TP63: variants seen among roughly 807,000 people sequenced by gnomAD.
The protein encoded by TP63 is tumor protein p63.
Under a neutral mutation model 82.8 loss-of-function variants are expected in TP63, and 17 were observed. The ratio of observed to expected loss-of-function variants is 0.21; its 90% CI spans 0.14 to 0.31. The LOEUF (loss-of-function observed/expected upper bound fraction) is 0.31, where lower values mean the gene tolerates loss of function less well. Ranked by LOEUF, TP63 falls within the 10% of genes least tolerant of loss-of-function variation. The probability of loss-of-function intolerance (pLI) is 1.00; values close to 1 mark genes in which losing one functional copy is unlikely to be tolerated. For synonymous variants in TP63, 330 were observed against 321.7 expected (o/e 1.03, Z -0.28); for missense variants, 648 against 895.3 (o/e 0.72, Z 3.52).
intron 1 of TP63, among the ~76,000 whole-genome samples, chr3:189,724,215 A>G (rs1560136292): frequency 1.3e-5 from 2 of 152,180 alleles, no homozygotes; most frequent in African/African-American, 2.4e-5. Context: ...GAATTCTGTT[A>G]TGTGTAGGGA....
At chr3:189,735,591 A>G (rs1720520362) in intron 1 of TP63, among the ~76,000 whole-genome samples, 1 of 152,154 alleles carries the variant, frequency 6.6e-6, no homozygotes, top group Admixed American at 6.6e-5. Context: ...CTTTTTACTA[A>G]TAATTGACTT....
chr3:189,797,178 AAG>A (rs1301699997), intron 3 of TP63, among the ~76,000 whole-genome samples: 5 of 152,106 alleles, frequency 3.3e-5, no homozygotes, highest in Non-Finnish European at 5.9e-5. Context: ...TAAAAGCTGA[AAG>A]AGGGAATTTT....
At chr3:189,835,697 G>A (rs1393622757) in intron 4 of TP63, among the ~76,000 whole-genome samples, 1 of 152,002 alleles carries the variant, frequency 6.6e-6, no homozygotes, top group East Asian at 1.9e-4. Flanking sequence ...ACCGAGGCAG[G>A]TGGTCAGGAG....
intron 4 of TP63, among the ~76,000 whole-genome samples, chr3:189,840,689 G>C (rs11709973): frequency 0.4 from 60,077 of 151,024 alleles, 12,055 homozygotes; most frequent in Middle Eastern, 0.42. Flanking sequence ...TGAAACCCGT[G>C]TCTACTAAAA....
chr3:189,867,568 C>T (rs955957409), intron 6 of TP63, among the ~76,000 whole-genome samples: 11 of 152,158 alleles, frequency 7.2e-5, no homozygotes, highest in African/African-American at 2.2e-4. Flanking sequence ...TGATGTGGAT[C>T]AGCTTACAAA....
rs1281142769 is a variant in TP63, at chr3:189,631,402, C to A, written c.-114C>A. The A allele has an allele frequency of 1.3e-6, 2 of 1,574,762 alleles. No individual in the cohort carries two copies. The highest frequency in any genetic ancestry group is 1.7e-6 in the Non-Finnish European group (2 of 1,161,930). On this transcript the variant is annotated 5_prime_UTR_variant, in exon 1 of 14. Transcript: ENST00000264731. ...GTGCCTAAACTTCTATGTCTGATAG[C>A]ATTTGACCCTATTGCTTTTAGCCTC... is the stretch of plus-strand genomic sequence containing the variant.
chr3:189,732,188 A>G (rs566217692), intron 1 of TP63, among the ~76,000 whole-genome samples: 1 of 152,276 alleles, frequency 6.6e-6, no homozygotes, highest in Admixed American at 6.5e-5. Context: ...CCTCTGGTGA[A>G]CACACTGAGT....
chr3:189,808,605 C>T (rs1727194119), intron 4 of TP63, 79 bp downstream of exon 4: 2 of 1,603,238 alleles, frequency 1.2e-6, no homozygotes, highest in African/African-American at 1.3e-5. Flanking sequence ...ATTTCTCCCC[C>T]TTCCCAGTTT....
At chr3:189,683,849 G>T (rs765279545) in intron 1 of TP63, among the ~76,000 whole-genome samples, 1 of 152,312 alleles carries the variant, frequency 6.6e-6, no homozygotes, top group African/African-American at 2.4e-5. Context: ...CTCAGCACCT[G>T]CTCTCAAAGT....
chr3:189,609,006 T>C, the TP63 span, among the ~76,000 whole-genome samples: 1 of 152,244 alleles, frequency 6.6e-6, no homozygotes, highest in East Asian at 1.9e-4. Context: ...TTTCATACAA[T>C]GAATTTTTTT....
chr3:189,722,982 T>C (rs1161809077), intron 1 of TP63, among the ~76,000 whole-genome samples: 1 of 152,192 alleles, frequency 6.6e-6, no homozygotes, highest in Non-Finnish European at 1.5e-5. Flanking sequence ...AAGTGCAGTT[T>C]GTTTAAAGTG....
At chr3:189,708,653 A>T (rs1243093037) in intron 1 of TP63, among the ~76,000 whole-genome samples, 1 of 152,182 alleles carries the variant, frequency 6.6e-6, no homozygotes, top group Non-Finnish European at 1.5e-5. Flanking sequence ...TTTTAAGAGT[A>T]GACTGGGCAG....
rs1196892578 is a variant in TP63, at chr3:189,651,779, C to T, written c.62+20202C>T. On this transcript the variant is annotated intron_variant, in intron 1 of 13. Coordinates refer to ENST00000264731, the MANE Select transcript of TP63 (RefSeq NM_003722.5). ...CCTGGGCTGAGTCCAGGGCCCCCTG[C>T]TCTGTGCAGCCTCGGGACATGGTGC... is the stretch of plus-strand genomic sequence containing the variant. 2.0e-5 allele frequency among the ~76,000 whole-genome samples: 3 copies of T among 146,692 alleles called. 1 individual carries two copies. The highest frequency in any genetic ancestry group is 5.1e-5 in the African/African-American group (2 of 39,040).
chr3:189,886,726 T>A (rs1271962308), intron 11 of TP63, among the ~76,000 whole-genome samples, 175 bp downstream of exon 11: 2 of 152,178 alleles, frequency 1.3e-5, no homozygotes, highest in Non-Finnish European at 2.9e-5. Context: ...GGTTTATCAT[T>A]CATTGCAAAA....
At chr3:189,785,646 G>T (rs1724547158) in intron 3 of TP63, among the ~76,000 whole-genome samples, 1 of 151,940 alleles carries the variant, frequency 6.6e-6, no homozygotes, top group Non-Finnish European at 1.5e-5. Context: ...AGCCAGCTGG[G>T]GTCCACATTT....
At chr3:189,625,487 TC>T in the TP63 span, among the ~76,000 whole-genome samples, 1 of 152,060 alleles carries the variant, frequency 6.6e-6, no homozygotes, top group East Asian at 1.9e-4. Flanking sequence ...CAACATATCA[TC>T]CAAGATTTTT....
the TP63 span, among the ~76,000 whole-genome samples, chr3:189,616,280 G>A: frequency 6.6e-6 from 1 of 152,082 alleles, no homozygotes; most frequent in African/African-American, 2.4e-5. Context: ...ATGATATCCA[G>A]TCATGGAATT....
Position 189,813,792 on chromosome 3 carries a change from A to G in TP63, c.579+5266A>G, listed in dbSNP as rs373149348. ...GTAAACCTTTAATAAATGGGAAGGAACTTTTTTTCTCTCATAATTAAAGGA... is the reference window on the plus strand; with the variant it reads ...GTAAACCTTTAATAAATGGGAAGGAGCTTTTTTTCTCTCATAATTAAAGGA... On this transcript the variant is annotated intron_variant, in intron 4 of 13. Transcript: ENST00000264731. Among the ~76,000 whole-genome samples, 398 of 152,204 alleles carry G rather than the reference A, an allele frequency of 2.6e-3. 6 individuals are homozygous for G. The South Asian group carries it at 0.041, about 16-fold the overall frequency.
rs191051906 is a variant in TP63 at position 189,851,442 on chromosome 3, G to C, written c.580-12790G>C. ...AAAAAAAAATTAACCGGGCGTAGTGGTGGGCGCCTGTAATCCCAGCTACTC... is the reference window on the plus strand; with the variant it reads ...AAAAAAAAATTAACCGGGCGTAGTGCTGGGCGCCTGTAATCCCAGCTACTC... On this transcript the variant is annotated intron_variant, in intron 4 of 13. Coordinates refer to ENST00000264731, the MANE Select transcript of TP63 (RefSeq NM_003722.5). 7.1e-3 allele frequency among the ~76,000 whole-genome samples: 1,080 copies of C among 152,244 alleles called. 14 individuals are homozygous for C. The highest frequency in any genetic ancestry group is 7.6e-3 in the Non-Finnish European group (519 of 68,028).
Sources: allele counts gnomAD v4.1 joint callset (sites outside exome capture counted in the v4.1 genomes callset), GRCh38; gene constraint gnomAD v4.1.1; transcripts MANE v1.5; gene names NCBI Gene and HGNC (gene_info 2026-07-23, HGNC 2026-07-21).